Variants in ELMO1 observed in about 807,000 individuals in gnomAD.
ELMO1 encodes the protein engulfment and cell motility 1, also known as engulfment and cell motility protein 1.
ELMO1 carries 26 observed loss-of-function variants against 98.9 expected under a neutral mutation model. That is an observed-to-expected ratio of 0.26 (90% CI 0.19 to 0.36). The LOEUF is 0.36. Ranked by LOEUF, ELMO1 falls within the 10% of genes least tolerant of loss-of-function variation. ELMO1 has a pLI of 1.00. For missense variants in ELMO1, 627 were observed against 935.2 expected, an observed-to-expected ratio of 0.67 and a Z score of 4.30; for synonymous variants, 346 against 346.0, an observed-to-expected ratio of 1.00 and a Z score of 0.00.
At chr7:37,015,975 T>A (rs992227134) in intron 15 of ELMO1, among the ~76,000 whole-genome samples, 7 of 152,232 alleles carry the variant, frequency 4.6e-5, no homozygotes, top group African/African-American at 1.4e-4. Flanking sequence ...ACTGGCAGAC[T>A]GTGTGGTTTG....
At chr7:37,233,952 G>C (rs147209991) in intron 7 of ELMO1, among the ~76,000 whole-genome samples, 118 of 152,310 alleles carry the variant, frequency 7.7e-4, no homozygotes, top group African/African-American at 2.6e-3. Context: ...AATCCAAACA[G>C]AGATTAGGCT....
intron 13 of ELMO1, among the ~76,000 whole-genome samples, chr7:37,202,855 T>C (rs1039798516): frequency 2.0e-5 from 3 of 152,168 alleles, no homozygotes; most frequent in Non-Finnish European, 2.9e-5. Flanking sequence ...GCTTAGGATG[T>C]ATTTCAAGGG....
intron 13 of ELMO1, among the ~76,000 whole-genome samples, chr7:37,178,527 A>C (rs2129945417): frequency 6.6e-6 from 1 of 152,114 alleles, no homozygotes; most frequent in African/African-American, 2.4e-5. Context: ...GCCTGAGCCC[A>C]GGAGGCAGAG....
chr7:37,394,378 C>G lies in ELMO1; in HGVS notation c.-73-51615G>C, dbSNP rs959810287. 3.9e-5 allele frequency among the ~76,000 whole-genome samples: 6 copies of G among 152,138 alleles called. No homozygotes were observed. The South Asian group carries it at 6.2e-4, about 16-fold the overall frequency. On this transcript the variant is annotated intron_variant, in intron 1 of 21. Coordinates refer to ENST00000310758, the MANE Select transcript of ELMO1 (RefSeq NM_014800.11). Reference sequence around the variant, plus strand: ...TGACAGGTGGGAGGAGACTAGAGAACGAGGAGACAGGAGCTGGATCAGACA... The same window carrying G: ...TGACAGGTGGGAGGAGACTAGAGAAGGAGGAGACAGGAGCTGGATCAGACA...
intron 16 of ELMO1, among the ~76,000 whole-genome samples, chr7:36,992,611 T>C (rs573632544): frequency 6.2e-4 from 94 of 152,284 alleles, no homozygotes; most frequent in Admixed American, 2.0e-3. Flanking sequence ...ATCCTTTAGA[T>C]GGTGCAAAAT....
At chr7:37,170,533 A>C (rs1054645455) in intron 13 of ELMO1, among the ~76,000 whole-genome samples, 1 of 152,108 alleles carries the variant, frequency 6.6e-6, no homozygotes, top group African/African-American at 2.4e-5. Context: ...TTAAGAACTC[A>C]GCATTAGTGA....
chr7:37,016,037 T>C (rs1793910511), intron 15 of ELMO1, among the ~76,000 whole-genome samples: 1 of 152,196 alleles, frequency 6.6e-6, no homozygotes, highest in South Asian at 2.1e-4. Flanking sequence ...CCAAAGCCAA[T>C]GAAATTTACA....
intron 16 of ELMO1, among the ~76,000 whole-genome samples, chr7:36,962,189 T>C (rs770193246): frequency 1.3e-5 from 2 of 152,136 alleles, no homozygotes; most frequent in Non-Finnish European, 2.9e-5. Flanking sequence ...AGTGCCCATT[T>C]TGGGGGCCCC....
intron 16 of ELMO1, among the ~76,000 whole-genome samples, chr7:36,933,388 G>C (rs1786220893): frequency 6.6e-6 from 1 of 152,200 alleles, no homozygotes; most frequent in African/African-American, 2.4e-5. Context: ...AGATCCTCAA[G>C]GGCTTACATC....
rs566878949 is a variant in ELMO1, at chr7:37,433,238, G to A, written c.-74+15437C>T. 2.0e-5 allele frequency among the ~76,000 whole-genome samples: 3 copies of A among 152,310 alleles called. No homozygotes were observed. The East Asian group carries it at 5.8e-4, about 29-fold the overall frequency. The stretch of plus-strand genomic sequence containing the variant: ...AAAAGGACACAGTGCTCACATACAT[G>A]GAAAATAGTGCTTCTGTCTGCAGAC... On this transcript the variant is annotated intron_variant, in intron 1 of 21. Coordinates refer to ENST00000310758, the MANE Select transcript of ELMO1 (RefSeq NM_014800.11).
At chr7:37,379,019 G>A (rs1043706981) in intron 1 of ELMO1, among the ~76,000 whole-genome samples, 4 of 151,792 alleles carry the variant, frequency 2.6e-5, no homozygotes, top group African/African-American at 7.3e-5. Flanking sequence ...TTCTTAACAG[G>A]ACTTTATCTT....
intron 16 of ELMO1, among the ~76,000 whole-genome samples, chr7:36,977,727 C>T (rs544625127): frequency 1.1e-4 from 17 of 152,220 alleles, no homozygotes; most frequent in Admixed American, 5.9e-4. Context: ...GGAAGGAGGG[C>T]GGAAGGCAAA....
chr7:36,982,948 G>A (rs1791195675), intron 16 of ELMO1, among the ~76,000 whole-genome samples: 1 of 152,190 alleles, frequency 6.6e-6, no homozygotes, highest in African/African-American at 2.4e-5. Context: ...CTATTTCTGA[G>A]CTGGGCCCGC....
chr7:37,150,939 C>T (rs1374927981), intron 13 of ELMO1, among the ~76,000 whole-genome samples: 1 of 152,230 alleles, frequency 6.6e-6, no homozygotes, highest in Non-Finnish European at 1.5e-5. Context: ...TTCTCATCCT[C>T]GACCCTGCTC....
At chr7:37,283,535 G>A (rs1797246224) in intron 4 of ELMO1, among the ~76,000 whole-genome samples, 1 of 152,240 alleles carries the variant, frequency 6.6e-6, no homozygotes. Flanking sequence ...ATGTAATTAT[G>A]TAGATGTGAA....
At chr7:37,416,235 T>TGAC in intron 1 of ELMO1, among the ~76,000 whole-genome samples, 2 of 152,332 alleles carry the variant, frequency 1.3e-5, no homozygotes, top group Non-Finnish European at 2.9e-5. Flanking sequence ...TCAGGAAAAC[T>TGAC]GACAATACGA....
chr7:37,207,545 T>C (rs1365755805), intron 13 of ELMO1, among the ~76,000 whole-genome samples: 1 of 152,066 alleles, frequency 6.6e-6, no homozygotes, highest in African/African-American at 2.4e-5. Flanking sequence ...AGCGAGACTC[T>C]GTCTCAAAAA....
intron 1 of ELMO1, among the ~76,000 whole-genome samples, chr7:37,410,762 T>C (rs1455556449): frequency 3.9e-5 from 6 of 152,174 alleles, no homozygotes; most frequent in Non-Finnish European, 7.4e-5. Flanking sequence ...TGACACATTT[T>C]GGTAGAGAAA....
At chr7:37,348,265 G>A (rs982426210) in intron 1 of ELMO1, among the ~76,000 whole-genome samples, 2 of 152,130 alleles carry the variant, frequency 1.3e-5, no homozygotes, top group African/African-American at 4.8e-5. Context: ...AGACAGCCGG[G>A]TACAATAATT....
Sources: allele counts gnomAD v4.1 joint callset (sites outside exome capture counted in the v4.1 genomes callset), GRCh38; gene constraint gnomAD v4.1.1; transcripts MANE v1.5; gene names NCBI Gene and HGNC (gene_info 2026-07-23, HGNC 2026-07-21).